C16orf87: variants seen among roughly 807,000 people sequenced by gnomAD.
C16orf87 encodes UPF0547 protein C16orf87.
A neutral mutation model predicts 21.0 loss-of-function variants in C16orf87; 13 were observed. The observed-to-expected ratio is 0.62, with a 90% CI of 0.40 to 0.98. C16orf87 has a LOEUF of 0.98. Among genes scored for constraint, C16orf87 ranks in the 50% least tolerant of loss-of-function variants. C16orf87 has a pLI of 0.00. For synonymous variants in C16orf87, 49 were observed against 60.2 expected (o/e 0.81, Z 0.86); for missense variants, 113 against 180.4 (o/e 0.63, Z 2.14).
In C16orf87 at chr16:46,798,781, C is replaced by A. The variant is rs1967692247; in HGVS notation, c.*4171G>T. On this transcript the variant is annotated 3_prime_UTR_variant, in exon 4 of 4. Coordinates refer to ENST00000285697, the MANE Select transcript of C16orf87 (RefSeq NM_001001436.4). ...AAAGAAAAGCTATCAGTATGTTTCA[C>A]CATATGAACATTCTAAAGGGGAGAA... 1 of 151,920 alleles carries A rather than the reference C, an allele frequency of 6.6e-6. No homozygotes were observed. Among genetic ancestry groups the A allele is most frequent in the Non-Finnish European group, 1.5e-5 (1 of 68,056 alleles). 9.4% of individuals were successfully genotyped at this position (151,920 alleles called of 1,614,324 possible).
chr16:46,813,130 A>C (rs1379778900), intron 2 of C16orf87, among the ~76,000 whole-genome samples: 1 of 152,144 alleles, frequency 6.6e-6, no homozygotes. Context: ...TGATGGCTCC[A>C]AAGTTTTCAC....
intron 2 of C16orf87, among the ~76,000 whole-genome samples, chr16:46,816,758 T>G (rs1968256708): frequency 6.6e-6 from 1 of 152,130 alleles, no homozygotes; most frequent in Non-Finnish European, 1.5e-5. Context: ...TCCCTGCAGG[T>G]GAGGTGGCAT....
rs1479111324 is a variant in C16orf87, at chr16:46,797,709, G to GT, written c.*5242dup. 6.6e-6 allele frequency: 1 copy of GT among 152,100 alleles called. No homozygotes were observed. Among genetic ancestry groups the GT allele is most frequent in the South Asian group, 2.1e-4 (1 of 4,836 alleles). The allele number at this position is 152,100 out of a possible 1,614,324, so 9.4% of individuals were successfully genotyped here. ...AGAGGGTAAAGGAATGTAAACAGTG[G>GT]TAAGATTTTTCTACATTCCACTTGA... is the stretch of plus-strand genomic sequence containing the variant. On this transcript the variant is annotated 3_prime_UTR_variant, in exon 4 of 4. Transcript: ENST00000285697.
rs1389508126 is a variant in C16orf87, at chr16:46,802,227, T to C, written c.*725A>G. The C allele has an allele frequency of 3.3e-5, 5 of 152,204 alleles. No individual in the cohort carries two copies. The highest frequency in any genetic ancestry group is 1.3e-4 in the Admixed American group (2 of 15,242). 9.4% of individuals were successfully genotyped at this position (152,204 alleles called of 1,614,324 possible). ...TTAACAGGCACCATCTTGAGAGCAG[T>C]TTGTTTTTTTTTTTTAGCTAATAAA... On this transcript the variant is annotated 3_prime_UTR_variant, in exon 4 of 4. Coordinates refer to ENST00000285697, the MANE Select transcript of C16orf87 (RefSeq NM_001001436.4).
Position 46,831,159 on chromosome 16 carries a change from C to T in C16orf87, c.-10G>A. 6.4e-7 allele frequency: 1 copy of T among 1,560,926 alleles called. No individual in the cohort carries two copies. The highest frequency in any genetic ancestry group is 1.2e-5 in the South Asian group (1 of 86,384). ...CTCGAGTTGCAGACATGCTCCTCTC[C>T]CTTAGCGGCGGCAGCAGCGACGGCT... On this transcript the variant is annotated 5_prime_UTR_variant, in exon 1 of 4. Coordinates refer to ENST00000285697, the MANE Select transcript of C16orf87 (RefSeq NM_001001436.4).
intron 2 of C16orf87, among the ~76,000 whole-genome samples, chr16:46,813,935 T>C (rs942546376): frequency 6.6e-6 from 1 of 152,204 alleles, no homozygotes; most frequent in Non-Finnish European, 1.5e-5. Flanking sequence ...TGGCCTACCT[T>C]ATTTGCAGAA....
At position 46,806,148 on chromosome 16, in the gene C16orf87, T is replaced by C. The variant is rs189853841; in HGVS notation, c.347-3078A>G. Among the ~76,000 whole-genome samples, 788 of 152,334 alleles carry C rather than the reference T, an allele frequency of 5.2e-3. 5 individuals carry two copies. Among genetic ancestry groups the C allele is most frequent in the Non-Finnish European group, 9.2e-3 (627 of 68,034 alleles). Reference sequence around the variant, plus strand: ...AACTGATACACAAATTCCTGACTTTTAGGTAACTGTGTAATAAAAATCAGT... The same window carrying C: ...AACTGATACACAAATTCCTGACTTTCAGGTAACTGTGTAATAAAAATCAGT... On this transcript the variant is annotated intron_variant, in intron 3 of 3. Transcript: ENST00000285697.
chr16:46,817,866 C>T (rs1959251256), intron 2 of C16orf87, among the ~76,000 whole-genome samples: 1 of 119,788 alleles, frequency 8.3e-6, no homozygotes, highest in Non-Finnish European at 1.6e-5. Flanking sequence ...GATTAAGAAC[C>T]TAAAAGTACA....
At chr16:46,812,804 G>A (rs1290823345) in intron 2 of C16orf87, among the ~76,000 whole-genome samples, 1 of 152,118 alleles carries the variant, frequency 6.6e-6, no homozygotes, top group Non-Finnish European at 1.5e-5. Flanking sequence ...CTATCCCACT[G>A]AAACTGACTG....
intron 3 of C16orf87, among the ~76,000 whole-genome samples, chr16:46,803,945 T>A (rs1326759092): frequency 1.3e-5 from 2 of 152,196 alleles, no homozygotes; most frequent in Non-Finnish European, 2.9e-5. Context: ...CTTGCCCCAA[T>A]AAACACTCTG....
intron 2 of C16orf87, among the ~76,000 whole-genome samples, chr16:46,818,708 G>A (rs1475379785): frequency 6.6e-6 from 1 of 151,548 alleles, no homozygotes; most frequent in Non-Finnish European, 1.5e-5. Context: ...TTTTAAATTT[G>A]AGATAGAGTC....
rs1200330976 is a variant in C16orf87, at chr16:46,801,731, A to C, written c.*1221T>G. 1 of 152,172 alleles carries C rather than the reference A, an allele frequency of 6.6e-6. No homozygotes were observed. The highest frequency in any genetic ancestry group is 1.5e-5 in the Non-Finnish European group (1 of 68,034). The allele number at this position is 152,172 out of a possible 1,614,324, so 9.4% of individuals were successfully genotyped here. On this transcript the variant is annotated 3_prime_UTR_variant, in exon 4 of 4. Coordinates refer to ENST00000285697, the MANE Select transcript of C16orf87 (RefSeq NM_001001436.4). ...GATGGGAGATGCAGGATGAAGTCTGAAATTGATAATGTTACGGCTAAAATT... is the reference window on the plus strand; with the variant it reads ...GATGGGAGATGCAGGATGAAGTCTGCAATTGATAATGTTACGGCTAAAATT...
At chr16:46,815,501 A>C (rs1968215062) in intron 2 of C16orf87, among the ~76,000 whole-genome samples, 1 of 152,120 alleles carries the variant, frequency 6.6e-6, no homozygotes, top group Non-Finnish European at 1.5e-5. Context: ...TTATTATAAG[A>C]GATTAATATT....
At chr16:46,824,568 G>T in intron 1 of C16orf87, 86 bp from the exon 2 acceptor site, 3 of 521,928 alleles carry the variant, frequency 5.7e-6, no homozygotes, top group Non-Finnish European at 1.0e-5. Context: ...TCAAATGAAT[G>T]ATAAATTACT....
rs752095184 is a variant in C16orf87 at position 46,809,759 on chromosome 16, G to T, written c.190C>A (p.Arg64=). The T allele has an allele frequency of 3.7e-6, 6 of 1,607,100 alleles. No individual in the cohort carries two copies. The Admixed American group carries it at 6.7e-5, about 18-fold the overall frequency. The change falls in exon 3 of 4, where the codon CGA becomes AGA. Residue 64 remains arginine, a synonymous_variant. Transcript: ENST00000285697. ...TTCTCTCTCCTAACTCTCTCTGTTC[G>T]CCTCCTCTTGGCCTCATGCTTGTTT... The part of the protein sequence containing the change: ...TENKHEAKRR[R]TERVRREKIN...
intron 2 of C16orf87, among the ~76,000 whole-genome samples, chr16:46,812,294 G>A (rs904271829): frequency 3.9e-5 from 6 of 152,138 alleles, no homozygotes; most frequent in African/African-American, 1.4e-4. Context: ...TATGCAATTT[G>A]TGGACCTTAT....
intron 3 of C16orf87, among the ~76,000 whole-genome samples, chr16:46,808,897 C>T (rs1370001922): frequency 1.3e-5 from 2 of 151,336 alleles, no homozygotes; most frequent in Non-Finnish European, 2.9e-5. Flanking sequence ...GTAGGAAGCA[C>T]ACAAATCTCC....
Position 46,798,208 on chromosome 16 carries a change from A to G in C16orf87, c.*4744T>C, listed in dbSNP as rs1421591075. The stretch of plus-strand genomic sequence containing the variant: ...ACTTAAAACAGAAAAACAGCAAAAT[A>G]TCAATAAACCAGAGCAGGTTCTTAC... On this transcript the variant is annotated 3_prime_UTR_variant, in exon 4 of 4. Coordinates refer to ENST00000285697, the MANE Select transcript of C16orf87 (RefSeq NM_001001436.4). 6.6e-6 allele frequency: 1 copy of G among 152,222 alleles called. No homozygotes were observed. Among genetic ancestry groups the G allele is most frequent in the Admixed American group, 6.5e-5 (1 of 15,284 alleles). 9.4% of individuals were successfully genotyped at this position (152,222 alleles called of 1,614,324 possible).
At chr16:46,826,278 G>A (rs1297015880) in intron 1 of C16orf87, among the ~76,000 whole-genome samples, 1 of 152,002 alleles carries the variant, frequency 6.6e-6, no homozygotes, top group East Asian at 1.9e-4. Context: ...AATGATCCTT[G>A]GAATCAAGAC....
Sources: allele counts gnomAD v4.1 joint callset (sites outside exome capture counted in the v4.1 genomes callset), GRCh38; gene constraint gnomAD v4.1.1; transcripts MANE v1.5; gene names NCBI Gene and HGNC (gene_info 2026-07-23, HGNC 2026-07-21).